Variants in PLIN5 observed in about 807,000 individuals in gnomAD.
The protein encoded by PLIN5 is perilipin 5, also known as perilipin-5.
A neutral mutation model predicts 32.8 loss-of-function variants in PLIN5; 34 were observed. That is an observed-to-expected ratio of 1.04 (90% CI 0.79 to 1.38). The LOEUF is 1.38. Among genes scored for constraint, PLIN5 ranks in the 40% most tolerant of loss-of-function variants. The pLI is 0.00. For missense variants in PLIN5, 712 were observed against 660.5 expected, an observed-to-expected ratio of 1.08 and a Z score of -0.85; for synonymous variants, 309 against 292.9, an observed-to-expected ratio of 1.05 and a Z score of -0.56.
At chr19:4,530,503 C>T (rs768237315) in intron 3 of PLIN5, among the ~76,000 whole-genome samples, 1 of 151,824 alleles carries the variant, frequency 6.6e-6, no homozygotes, top group South Asian at 2.1e-4. Flanking sequence ...GCGGAGGCTG[C>T]GGGGCTTAGG....
rs1976843788 is a variant in PLIN5, at chr19:4,529,063, T to A, written c.520+10A>T. ...GACTCAGGGGTTAGGGTTGAGGGTGTCGTCCTCACCGAGCTCTTCCTCCGT... is the reference window on the plus strand; with the variant it reads ...GACTCAGGGGTTAGGGTTGAGGGTGACGTCCTCACCGAGCTCTTCCTCCGT... On this transcript the variant is annotated intron_variant, in intron 5 of 7. Transcript: ENST00000381848. 6.2e-7 allele frequency: 1 copy of A among 1,610,808 alleles called. No individual in the cohort carries two copies. Among genetic ancestry groups the A allele is most frequent in the Non-Finnish European group, 8.5e-7 (1 of 1,178,764 alleles).
In PLIN5 at chr19:4,525,067, T is replaced by C; in HGVS notation, c.730A>G (p.Met244Val). ...LQETLELIDHMQCGVTPTAPA... is the reference protein window; with the variant it reads ...LQETLELIDHVQCGVTPTAPA... ...GCGGTGGGGGTCACCCCACACTGCATGTGGTCTATCTGCAAGGACAGAAAT... is the reference window on the plus strand; with the variant it reads ...GCGGTGGGGGTCACCCCACACTGCACGTGGTCTATCTGCAAGGACAGAAAT... The change falls in exon 7 of 8, where the codon ATG (methionine) becomes GTG (valine). Residue 244 changes from methionine (M) to valine (V), a missense_variant. By Grantham distance (21) the Met-to-Val change is conservative. Transcript: ENST00000381848. The surrounding 1 kb of genome is among the most constrained non-coding windows in gnomAD (Gnocchi z 5.6). The C allele has an allele frequency of 7.1e-7, 1 of 1,405,074 alleles. No individual in the cohort carries two copies. Among genetic ancestry groups the C allele is most frequent in the Non-Finnish European group, 9.3e-7 (1 of 1,075,932 alleles). 87.0% of individuals were successfully genotyped at this position (1,405,074 alleles called of 1,614,324 possible).
chr19:4,533,869 C>T (rs1028373687), intron 2 of PLIN5, 146 bp downstream of exon 2: 2 of 890,202 alleles, frequency 2.2e-6, no homozygotes, highest in African/African-American at 1.7e-5. Context: ...AATAGACCAT[C>T]CCCTCCATGG....
chr19:4,526,388 A>G (rs1281390022), intron 5 of PLIN5, among the ~76,000 whole-genome samples: 2 of 151,920 alleles, frequency 1.3e-5, no homozygotes, highest in East Asian at 1.9e-4. Context: ...CACCCGATTA[A>G]GTTTTGTATT....
rs948619791 is a variant in PLIN5 at position 4,527,550 on chromosome 19, A to C, written c.520+1523T>G. Among the ~76,000 whole-genome samples the C allele has an allele frequency of 2.0e-4, 25 of 127,840 alleles. No individual in the cohort carries two copies. The East Asian group carries it at 2.9e-3, about 15-fold the overall frequency. 83.9% of individuals were successfully genotyped at this position (127,840 alleles called of 152,430 possible). A position where few individuals can be genotyped will look rare whatever the true frequency, so the allele number is the denominator to read the frequency against. On this transcript the variant is annotated intron_variant, in intron 5 of 7. Transcript: ENST00000381848. ...TGAGACTCCACTTCAAAAAAAAAAA[A>C]AAAAAAAAAAAAAAAACAACAATGG...
At chr19:4,529,013 A>T in intron 5 of PLIN5, 60 bp downstream of exon 5, 1 of 1,555,510 alleles carries the variant, frequency 6.4e-7, no homozygotes. Flanking sequence ...TCTGATCTGT[A>T]CCACAGGGGA....
In PLIN5 at chr19:4,534,024, C is replaced by T. The variant is rs768634838; in HGVS notation, c.51G>A (p.Gln17=). ...AQIPRSSVWE[Q]DQQNVVQRVV... Reference sequence around the variant, plus strand: ...GAGGGGCAGCCCTCACCTGCTGGTCCTGCTCCCACACACTGGATCTGGGGA... The same window carrying T: ...GAGGGGCAGCCCTCACCTGCTGGTCTTGCTCCCACACACTGGATCTGGGGA... The change falls in exon 2 of 8, where the codon CAG becomes CAA. Residue 17 remains glutamine, a synonymous_variant. Transcript: ENST00000381848. The T allele has an allele frequency of 2.5e-6, 4 of 1,613,036 alleles. No homozygotes were observed. In the African/African-American group the frequency reaches 5.3e-5, roughly 21 times the overall value.
At position 4,525,579 on chromosome 19, in the gene PLIN5, A is replaced by C. The variant is rs568916437; in HGVS notation, c.720+54T>G. On this transcript the variant is annotated intron_variant, in intron 6 of 7. Coordinates refer to ENST00000381848, the MANE Select transcript of PLIN5 (RefSeq NM_001013706.3). The surrounding 1 kb of genome is among the most constrained non-coding windows in gnomAD (Gnocchi z 5.6). ...GGGATCCGGTATTCAGCTGGTGCTC[A>C]ATCCATACTGATTGGCCTGCATCCC... 178 of 1,593,966 alleles carry C rather than the reference A, an allele frequency of 1.1e-4. 1 individual carries two copies. In the African/African-American group the frequency reaches 2.1e-3, roughly 19 times the overall value.
intron 5 of PLIN5, among the ~76,000 whole-genome samples, chr19:4,526,384 A>T (rs1223914346): frequency 6.6e-6 from 1 of 151,866 alleles, no homozygotes; most frequent in Non-Finnish European, 1.5e-5. Flanking sequence ...ACCACACCCG[A>T]TTAAGTTTTG....
chr19:4,529,473 T>TACATATATACACATATAC, intron 4 of PLIN5: 1 of 571,492 alleles, frequency 1.7e-6, no homozygotes, highest in Non-Finnish European at 3.1e-6. Context: ...CACATACATA[T>TACATATATACACATATAC]ACATATATAC....
At chr19:4,527,865 A>T (rs116436467) in intron 5 of PLIN5, among the ~76,000 whole-genome samples, 5,086 of 151,692 alleles carry the variant, frequency 0.034, 252 homozygotes, top group African/African-American at 0.11. Flanking sequence ...AGAAAAAAAA[A>T]TTCAGGAGTG....
rs1976785278 is a variant in PLIN5 at position 4,525,125 on chromosome 19, CTGGGGGTCGGGG to C, written c.721-61_721-50del. 4 of 312,228 alleles carry C rather than the reference CTGGGGGTCGGGG, an allele frequency of 1.3e-5. No individual in the cohort carries two copies. The highest frequency in any genetic ancestry group is 2.4e-5 in the Non-Finnish European group (4 of 166,416). 19.3% of individuals were successfully genotyped at this position (312,228 alleles called of 1,614,324 possible). On this transcript the variant is annotated intron_variant, in intron 6 of 7. Coordinates refer to ENST00000381848, the MANE Select transcript of PLIN5 (RefSeq NM_001013706.3). The surrounding 1 kb of genome is among the most constrained non-coding windows in gnomAD (Gnocchi z 5.6). ...TTCAGAGCTGGGGGAGCTGGGGGAG[CTGGGGGTCGGGG>C]TGGGGTCCAGGACCACTGATCTGGC...
chr19:4,523,843 G>A lies in PLIN5; in HGVS notation c.1077C>T (p.Asp359=), dbSNP rs150673723. The change falls in exon 8 of 8, where the codon GAC becomes GAT. Residue 359 remains aspartate (D), a synonymous_variant. Coordinates refer to ENST00000381848, the MANE Select transcript of PLIN5 (RefSeq NM_001013706.3). This position sits in a 1 kb window ranked among gnomAD's most constrained non-coding sequence, Gnocchi z 5.0. ...CCTGCACCACCAGCTCCAGCAGCTC[G>A]TCCACGCAGGCGTGCGCGTGGGCCA... is the stretch of plus-strand genomic sequence containing the variant. ...GRVAHAHACV[D]ELLELVVQAV... is the part of the protein sequence containing the mutation. 609 of 1,584,700 alleles carry A rather than the reference G, an allele frequency of 3.8e-4. 5 individuals carry two copies. The African/African-American group carries it at 7.2e-3, about 19-fold the overall frequency.
At chr19:4,524,909 TC>T in intron 7 of PLIN5, 53 bp downstream of exon 7, 2 of 1,454,248 alleles carry the variant, frequency 1.4e-6, no homozygotes, top group Non-Finnish European at 1.8e-6. Flanking sequence ...CTCCCCCTCT[TC>T]CTCCGCGGCC....
intron 5 of PLIN5, among the ~76,000 whole-genome samples, chr19:4,527,288 G>A (rs924554020): frequency 3.3e-5 from 5 of 151,758 alleles, no homozygotes; most frequent in Admixed American, 6.6e-5. Flanking sequence ...TTCACAGGAT[G>A]GTCTCGATCT....
intron 4 of PLIN5, 152 bp downstream of exon 4, chr19:4,529,621 ACACACACACAC>A: frequency 4.8e-6 from 1 of 207,136 alleles, no homozygotes; most frequent in East Asian, 8.4e-5. Flanking sequence ...ACACACACAC[ACACACACACAC>A]ACACACACAC....
chr19:4,529,837 C>T lies in PLIN5; in HGVS notation c.286G>A (p.Gly96Ser), dbSNP rs1976861500. Residue 96 changes from glycine (G) to serine (S), a missense_variant, in exon 4 of 8, where the codon GGC becomes AGC. Physicochemically the swap from Gly to Ser is moderately conservative, Grantham distance 56. Coordinates refer to ENST00000381848, the MANE Select transcript of PLIN5 (RefSeq NM_001013706.3). ...LATMNSLACR[G>S]LDKLEEKLPF... ...AGCTTCTCTTCCAGCTTGTCCAGGC[C>T]CCTGCAGGCGAGGCTGTTCATAGTG... is the stretch of plus-strand genomic sequence containing the variant. 6 of 1,610,178 alleles carry T rather than the reference C, an allele frequency of 3.7e-6. No individual in the cohort carries two copies. In the South Asian group the frequency reaches 5.5e-5, roughly 15 times the overall value.
intron 3 of PLIN5, 120 bp downstream of exon 3, chr19:4,531,507 G>A: frequency 9.8e-7 from 1 of 1,024,742 alleles, no homozygotes; most frequent in Non-Finnish European, 1.3e-6. Flanking sequence ...CAGTGGGACA[G>A]GTGGCTAGGC....
chr19:4,526,606 C>T (rs181734260), intron 5 of PLIN5, among the ~76,000 whole-genome samples: 43 of 151,916 alleles, frequency 2.8e-4, no homozygotes, highest in South Asian at 2.1e-4. Context: ...TTTGGGAGGC[C>T]GAGATGGGAG....
Sources: gnomAD v4.1 joint callset for allele counts (sites outside exome capture counted in the v4.1 genomes callset) on GRCh38, gnomAD v4.1.1 for gene constraint, Gnocchi (gnomAD v3.1) non-coding constraint, MANE v1.5 for transcripts, NCBI Gene and HGNC (gene_info 2026-07-23, HGNC 2026-07-21) for gene names.